SELENOP: variants seen among roughly 807,000 people sequenced by gnomAD.
SELENOP encodes selenoprotein P, also known as selenoprotein P, plasma, 1.
A neutral mutation model predicts 41.0 loss-of-function variants in SELENOP; 36 were observed. The observed-to-expected ratio is 0.88, with a 90% CI of 0.67 to 1.16. The LOEUF (loss-of-function observed/expected upper bound fraction) is 1.16. Ranked by LOEUF, SELENOP falls within the 50% of genes most tolerant of loss-of-function variation. The probability of loss-of-function intolerance (pLI) is 0.00; values close to 1 mark genes in which losing one functional copy is unlikely to be tolerated. For missense variants in SELENOP, 440 were observed against 454.2 expected (o/e 0.97, Z 0.28); for synonymous variants, 144 against 150.8 (o/e 0.95, Z 0.33).
chr5:42,804,673 C>T lies in SELENOP; in HGVS notation c.517G>A (p.Gly173Arg). ...AAAAATACCGTGAGAGAGCAGTTTC[C>T]ACATTTCTTTTCACAGTAAGCAATC... ...IKIAYCEKKCGNCSLTTLKDE... is the reference protein window; with the variant it reads ...IKIAYCEKKCRNCSLTTLKDE... The change falls in exon 4 of 5, where the codon GGA becomes AGA. Residue 173 changes from glycine to arginine, a missense_variant. Transcript: ENST00000514985. The T allele has an allele frequency of 1.3e-6, 2 of 1,583,092 alleles. No homozygotes were observed. The highest frequency in any genetic ancestry group is 8.6e-7 in the Non-Finnish European group (1 of 1,157,732).
intron 1 of SELENOP, among the ~76,000 whole-genome samples, chr5:42,810,409 G>T (rs569863202): frequency 6.6e-6 from 1 of 152,222 alleles, no homozygotes; most frequent in East Asian, 1.9e-4. Flanking sequence ...CAAAAAATCA[G>T]CACTTGGTTT....
At chr5:42,804,289 G>A (rs902952372) in intron 4 of SELENOP, among the ~76,000 whole-genome samples, 6 of 152,140 alleles carry the variant, frequency 3.9e-5, no homozygotes, top group South Asian at 2.1e-4. Context: ...GTGAAACCCC[G>A]TCTCTACTAA....
In SELENOP at chr5:42,804,647, G is replaced by C; in HGVS notation, c.534+9C>G. The stretch of plus-strand genomic sequence containing the variant: ...CTTTTCTCCCCAGAAAAATAATTCA[G>C]AAAAATACCGTGAGAGAGCAGTTTC... On this transcript the variant is annotated intron_variant, in intron 4 of 4. Transcript: ENST00000514985. The C allele has an allele frequency of 1.4e-6, 2 of 1,465,074 alleles. No individual in the cohort carries two copies. Among genetic ancestry groups the C allele is most frequent in the Non-Finnish European group, 9.4e-7 (1 of 1,060,836 alleles). The allele number at this position is 1,465,074 out of a possible 1,614,324, so 90.8% of individuals were successfully genotyped here. A position where few individuals can be genotyped will look rare whatever the true frequency, so the allele number is the denominator to read the frequency against.
rs1434364948 is a variant in SELENOP at position 42,801,062 on chromosome 5, A to C, written c.804T>G (p.Asp268Glu). 6.2e-7 allele frequency: 1 copy of C among 1,614,054 alleles called. No individual in the cohort carries two copies. Among genetic ancestry groups the C allele is most frequent in the Non-Finnish European group, 8.5e-7 (1 of 1,179,986 alleles). ...AGAGCTTCTTTTGTAAATCTTGTAA[A>C]TCTTCACTTGCTGGCATATCTCGGT... ...PENRDMPASE[D>E]LQDLQKKLCR... The change falls in exon 5 of 5, where the codon GAT becomes GAG. Residue 268 changes from aspartate to glutamate, a missense_variant. By Grantham distance (45) the Asp-to-Glu change is conservative (BLOSUM62 2). Transcript: ENST00000514985.
intron 1 of SELENOP, among the ~76,000 whole-genome samples, chr5:42,809,206 A>G (rs28919892): frequency 0.26 from 39,439 of 151,868 alleles, 5,712 homozygotes; most frequent in Admixed American, 0.38. Flanking sequence ...ACCATTTAAG[A>G]CTCTTTGAAA....
intron 1 of SELENOP, among the ~76,000 whole-genome samples, chr5:42,810,287 A>T (rs1266952335): frequency 6.6e-6 from 1 of 152,194 alleles, no homozygotes; most frequent in Non-Finnish European, 1.5e-5. Context: ...TTGTTTATGC[A>T]CTAAGATGCC....
rs565477894 is a variant in SELENOP at position 42,800,489 on chromosome 5, A to T, written c.*231T>A. The T allele has an allele frequency of 2.2e-6, 1 of 461,840 alleles. No homozygotes were observed. Among genetic ancestry groups the T allele is most frequent in the African/African-American group, 2.0e-5 (1 of 50,052 alleles). 28.6% of individuals were successfully genotyped at this position (461,840 alleles called of 1,614,324 possible). The stretch of plus-strand genomic sequence containing the variant: ...ACACTGGAAAAAGAAAAAAAAAGAC[A>T]TATTAACCAAAAGCTGCAATCACCT... On this transcript the variant is annotated 3_prime_UTR_variant, in exon 5 of 5. Coordinates refer to ENST00000514985, the MANE Select transcript of SELENOP (RefSeq NM_005410.4).
chr5:42,807,111 A>G lies in SELENOP; in HGVS notation c.204-3T>C, dbSNP rs754763688. On this transcript the variant is annotated splice_region_variant and splice_polypyrimidine_tract_variant and intron_variant, in intron 2 of 4. Coordinates refer to ENST00000514985, the MANE Select transcript of SELENOP (RefSeq NM_005410.4). ...GTTTTACTCGCAGGTCTTCTAATCT[A>G]AAATATTTGGGAAGAAATACATAAA... 1.5e-6 allele frequency: 2 copies of G among 1,366,342 alleles called. No individual in the cohort carries two copies. Among genetic ancestry groups the G allele is most frequent in the Non-Finnish European group, 1.0e-6 (1 of 971,500 alleles). The allele number at this position is 1,366,342 out of a possible 1,614,324, so 84.6% of individuals were successfully genotyped here.
chr5:42,808,848 C>T (rs1487074877), intron 1 of SELENOP, among the ~76,000 whole-genome samples: 1 of 150,388 alleles, frequency 6.6e-6, no homozygotes, highest in Non-Finnish European at 1.5e-5. Context: ...TGAACCCGGG[C>T]GGTGGAGCTT....
Position 42,808,361 on chromosome 5 carries a change from G to A in SELENOP, c.-8C>T. The A allele has an allele frequency of 7.4e-7, 1 of 1,348,352 alleles. No individual in the cohort carries two copies. The highest frequency in any genetic ancestry group is 9.6e-7 in the Non-Finnish European group (1 of 1,037,114). 83.5% of individuals were successfully genotyped at this position (1,348,352 alleles called of 1,614,324 possible). A position where few individuals can be genotyped will look rare whatever the true frequency, so the allele number is the denominator to read the frequency against. ...CCCCAGGCTTCTCCACATTGCTGGG[G>A]TTGTCCTGTAAAAGAGAAAACCTGT... On this transcript the variant is annotated 5_prime_UTR_variant, in exon 2 of 5. Coordinates refer to ENST00000514985, the MANE Select transcript of SELENOP (RefSeq NM_005410.4).
Position 42,800,990 on chromosome 5 carries a change from A to G in SELENOP, c.876T>C (p.Asp292=), listed in dbSNP as rs28919924. The part of the protein sequence containing the change: ...INQLLCKLPT[D]SELAPRSUCC... ...ATCAGCTCCTAGGAGCCAACTCTGA[A>G]TCTGTGGGCAATTTACAGAGTAATT... The change falls in exon 5 of 5, where the codon GAT becomes GAC. Residue 292 remains aspartate (D), a synonymous_variant. Transcript: ENST00000514985. 6.2e-7 allele frequency: 1 copy of G among 1,614,228 alleles called. No homozygotes were observed. The highest frequency in any genetic ancestry group is 1.7e-5 in the Admixed American group (1 of 60,026).
rs1760162887 is a variant in SELENOP, at chr5:42,800,630, T to A, written c.*90A>T. 7.0e-7 allele frequency: 1 copy of A among 1,420,200 alleles called. No homozygotes were observed. Among genetic ancestry groups the A allele is most frequent in the Admixed American group, 2.3e-5 (1 of 42,944 alleles). The allele number at this position is 1,420,200 out of a possible 1,614,324, so 88.0% of individuals were successfully genotyped here. The stretch of plus-strand genomic sequence containing the variant: ...CATGTTTGCACAAATCTAATTTCTA[T>A]TTTTGGTTCACTAATTTGGTAGTTT... On this transcript the variant is annotated 3_prime_UTR_variant, in exon 5 of 5. Transcript: ENST00000514985.
At chr5:42,804,257 C>G (rs563790501) in intron 4 of SELENOP, among the ~76,000 whole-genome samples, 55 of 152,234 alleles carry the variant, frequency 3.6e-4, no homozygotes, top group Admixed American at 1.4e-3. Flanking sequence ...GGCTGGAGAT[C>G]GAGACCATCC....
Position 42,801,301 on chromosome 5 carries a change from C to T in SELENOP, c.565G>A (p.Val189Ile), listed in dbSNP as rs1760195988. The change falls in exon 5 of 5, where the codon GTA becomes ATA. Residue 189 changes from valine (V) to isoleucine (I), a missense_variant. Transcript: ENST00000514985. ...TLKDEDFCKR[V>I]SLATVDKTVE... The stretch of plus-strand genomic sequence containing the variant: ...GTTTTATCCACAGTAGCCAAAGATA[C>T]ACGTTTACAAAAGTCTTCATCTTTG... The T allele has an allele frequency of 6.2e-7, 1 of 1,611,592 alleles. No individual in the cohort carries two copies. Among genetic ancestry groups the T allele is most frequent in the Non-Finnish European group, 8.5e-7 (1 of 1,178,862 alleles).
Position 42,805,075 on chromosome 5 carries a change from T to C in SELENOP, c.417-302A>G, listed in dbSNP as rs1434333389. 1.6e-5 allele frequency: 3 copies of C among 183,010 alleles called. No individual in the cohort carries two copies. In the East Asian group the frequency reaches 4.0e-4, roughly 24 times the overall value. The allele number at this position is 183,010 out of a possible 1,614,324, so 11.3% of individuals were successfully genotyped here. ...AAAATACAATTTTGTGACTGACTTA[T>C]AAATTCTACCAGTGCCCAAACCGCT... On this transcript the variant is annotated intron_variant, in intron 3 of 4. Transcript: ENST00000514985.
rs762298480 is a variant in SELENOP, at chr5:42,804,729, A to G, written c.461T>C (p.Leu154Pro). 1.2e-6 allele frequency: 2 copies of G among 1,611,982 alleles called. No individual in the cohort carries two copies. The highest frequency in any genetic ancestry group is 8.5e-7 in the Non-Finnish European group (1 of 1,178,496). ...VYHLGLPFSF[L>P]TFPYVEEAIK... ...GGCTTCTTCTACATATGGGAAAGTT[A>G]GGAAGGAAAAAGGCAAACCAAGATG... Residue 154 changes from leucine to proline, a missense_variant, in exon 4 of 5, where the codon CTA becomes CCA. Transcript: ENST00000514985.
intron 1 of SELENOP, among the ~76,000 whole-genome samples, chr5:42,809,170 A>G (rs1280197621): frequency 1.3e-5 from 2 of 152,194 alleles, no homozygotes; most frequent in Non-Finnish European, 2.9e-5. Flanking sequence ...CTAACCAAGT[A>G]GAAATATCAC....
chr5:42,802,273 C>G (rs1048243015), intron 4 of SELENOP: 3 of 152,112 alleles, frequency 2.0e-5, no homozygotes, highest in African/African-American at 7.2e-5. Context: ...ATCAGAGACT[C>G]AAAGCCTATA....
Position 42,800,460 on chromosome 5 carries a change from T to TAATG in SELENOP, c.*259_*260insCATT. On this transcript the variant is annotated 3_prime_UTR_variant, in exon 5 of 5. Coordinates refer to ENST00000514985, the MANE Select transcript of SELENOP (RefSeq NM_005410.4). ...ACGTTTCTATTCTCATTAAAGCAAA[T>TAATG]AGAACACTGGAAAAAGAAAAAAAAA... 8.1e-6 allele frequency: 3 copies of TAATG among 372,450 alleles called. No homozygotes were observed. Among genetic ancestry groups the TAATG allele is most frequent in the Non-Finnish European group, 1.4e-5 (3 of 209,632 alleles). The allele number at this position is 372,450 out of a possible 1,614,324, so 23.1% of individuals were successfully genotyped here.
Sources: gnomAD v4.1 joint callset for allele counts (sites outside exome capture counted in the v4.1 genomes callset) on GRCh38, gnomAD v4.1.1 for gene constraint, MANE v1.5 for transcripts, NCBI Gene and HGNC (gene_info 2026-07-23, HGNC 2026-07-21) for gene names.